The following CSMD1 variants were observed in gnomAD, a reference collection of about 807,000 sequenced individuals.
CSMD1 encodes CUB and Sushi multiple domains 1.
In CSMD1, 213 loss-of-function variants were observed where a neutral mutation model predicts 417.5. The observed-to-expected ratio is 0.51, with a 90% CI of 0.46 to 0.57. The LOEUF (loss-of-function observed/expected upper bound fraction) is 0.57, where lower values mean the gene tolerates loss of function less well. CSMD1 is among the 20% of genes least tolerant of loss of function. The pLI, the probability that CSMD1 is intolerant of heterozygous loss-of-function variation, is 0.00. For synonymous variants in CSMD1, 2,862 were observed against 1,736.8 expected (o/e 1.65, Z -16.11); for missense variants, 6,923 against 4,529.7 (o/e 1.53, Z -15.17).
intron 26 of CSMD1, among the ~76,000 whole-genome samples, chr8:3,272,668 T>G (rs902918460): frequency 7.2e-6 from 1 of 139,390 alleles, no homozygotes; most frequent in African/African-American, 2.7e-5. Flanking sequence ...GTTGGATTCC[T>G]AGGTATTTTA....
At chr8:3,614,556 T>A (rs902871115) in intron 8 of CSMD1, among the ~76,000 whole-genome samples, 13 of 152,222 alleles carry the variant, frequency 8.5e-5, no homozygotes, top group African/African-American at 3.1e-4. Flanking sequence ...TTTTAAAGCT[T>A]AAGCATTTCC....
At chr8:3,153,274 A>T (rs999506041) in intron 39 of CSMD1, among the ~76,000 whole-genome samples, 2 of 152,246 alleles carry the variant, frequency 1.3e-5, no homozygotes, top group Admixed American at 6.5e-5. Context: ...AAGGGGAGGC[A>T]TGAATAACCC....
chr8:4,987,878 C>G (rs2117464316), intron 1 of CSMD1, among the ~76,000 whole-genome samples: 1 of 152,278 alleles, frequency 6.6e-6, no homozygotes, highest in South Asian at 2.1e-4. Flanking sequence ...AGGTGTTCAC[C>G]TATTGGACTC....
chr8:3,955,902 C>A (rs1044917620), intron 5 of CSMD1, among the ~76,000 whole-genome samples: 1 of 152,354 alleles, frequency 6.6e-6, no homozygotes, highest in East Asian at 1.9e-4. Flanking sequence ...TCACTTCAAC[C>A]TTTGCCTCCC....
At chr8:4,593,700 C>A (rs764877083) in intron 2 of CSMD1, among the ~76,000 whole-genome samples, 3 of 152,056 alleles carry the variant, frequency 2.0e-5, no homozygotes, top group Non-Finnish European at 2.9e-5. Context: ...TAATAAGCAC[C>A]AATTGTATAC....
At chr8:4,409,555 A>C (rs1051440895) in intron 3 of CSMD1, among the ~76,000 whole-genome samples, 2 of 152,170 alleles carry the variant, frequency 1.3e-5, no homozygotes, top group African/African-American at 4.8e-5. Context: ...AATTCAGAAC[A>C]TGCCACTCAA....
intron 5 of CSMD1, among the ~76,000 whole-genome samples, chr8:3,841,172 G>T (rs1803108984): frequency 6.6e-6 from 1 of 152,054 alleles, no homozygotes; most frequent in African/African-American, 2.4e-5. Flanking sequence ...TGGAAATTGT[G>T]TTTTTATGTA....
chr8:4,814,750 A>G (rs759517764), intron 1 of CSMD1, among the ~76,000 whole-genome samples: 1 of 152,184 alleles, frequency 6.6e-6, no homozygotes, highest in East Asian at 1.9e-4. Flanking sequence ...CCTAACATTG[A>G]GATCATTGAT....
rs1799042129 is a variant in CSMD1 at position 3,234,622 on chromosome 8, A to C, written c.4154-4391T>G. Among the ~76,000 whole-genome samples, 5 of 152,214 alleles carry C rather than the reference A, an allele frequency of 3.3e-5. No individual in the cohort carries two copies. The South Asian group carries it at 8.3e-4, about 25-fold the overall frequency. On this transcript the variant is annotated intron_variant, in intron 26 of 69. Coordinates refer to ENST00000635120, the MANE Select transcript of CSMD1 (RefSeq NM_033225.6). Reference sequence around the variant, plus strand: ...TCCCATCAGCTGCAAAGACTGGAACACAGGGAAATCCAAGCATATTACTCC... The same window carrying C: ...TCCCATCAGCTGCAAAGACTGGAACCCAGGGAAATCCAAGCATATTACTCC...
intron 3 of CSMD1, among the ~76,000 whole-genome samples, chr8:4,257,350 G>A (rs998650097): frequency 5.3e-5 from 8 of 152,052 alleles, no homozygotes; most frequent in Non-Finnish European, 1.5e-5. Context: ...TTCAAGGGTT[G>A]AATAATTTTC....
chr8:3,314,622 C>T (rs963765830), intron 23 of CSMD1, among the ~76,000 whole-genome samples: 3 of 152,212 alleles, frequency 2.0e-5, no homozygotes, highest in Non-Finnish European at 1.5e-5. Context: ...AGTCAAAGCA[C>T]AGCCAAAATA....
chr8:4,643,936 G>A (rs948866043), intron 1 of CSMD1, among the ~76,000 whole-genome samples: 6 of 152,226 alleles, frequency 3.9e-5, no homozygotes, highest in African/African-American at 1.2e-4. Flanking sequence ...ATCACCTGGA[G>A]CTACTGACAT....
At chr8:4,010,867 G>T (rs1816487114) in intron 4 of CSMD1, among the ~76,000 whole-genome samples, 1 of 152,142 alleles carries the variant, frequency 6.6e-6, no homozygotes, top group African/African-American at 2.4e-5. Context: ...TAAAACAGCT[G>T]GAGGAATTCC....
At chr8:4,108,391 C>T (rs902702316) in intron 3 of CSMD1, among the ~76,000 whole-genome samples, 1 of 152,168 alleles carries the variant, frequency 6.6e-6, no homozygotes, top group Non-Finnish European at 1.5e-5. Context: ...GAACTACTCT[C>T]GACCATGTTC....
intron 5 of CSMD1, among the ~76,000 whole-genome samples, chr8:3,870,044 T>A (rs1416504627): frequency 6.6e-6 from 1 of 152,188 alleles, no homozygotes; most frequent in African/African-American, 2.4e-5. Context: ...CGTCTCTTCA[T>A]TGCTTAACTG....
intron 3 of CSMD1, among the ~76,000 whole-genome samples, chr8:4,370,978 T>A (rs968750062): frequency 6.6e-6 from 1 of 152,216 alleles, no homozygotes; most frequent in Non-Finnish European, 1.5e-5. Flanking sequence ...GTGTGATTGT[T>A]TGGAGGCAAG....
intron 2 of CSMD1, among the ~76,000 whole-genome samples, chr8:4,507,231 C>G (rs576384107): frequency 6.6e-6 from 1 of 152,022 alleles, no homozygotes; most frequent in Non-Finnish European, 1.5e-5. Context: ...TAGTAGATAC[C>G]CATGCAAAAG....
chr8:4,402,800 CTTTTTTTTTTTTTTTTTTTTCTT>C (rs1161085826), intron 3 of CSMD1, among the ~76,000 whole-genome samples: 4 of 89,368 alleles, frequency 4.5e-5, no homozygotes. Flanking sequence ...TCACTTTTTT[CTTTTTTTTTTTTTTTTTTTTCTT>C]TTTTTTTTTT....
At chr8:4,455,308 C>T (rs1324581998) in intron 2 of CSMD1, among the ~76,000 whole-genome samples, 1 of 152,080 alleles carries the variant, frequency 6.6e-6, no homozygotes, top group Admixed American at 6.5e-5. Flanking sequence ...CATCCATTAG[C>T]AAAGAAGATG....
Sources: allele counts gnomAD v4.1 joint callset (sites outside exome capture counted in the v4.1 genomes callset), GRCh38; gene constraint gnomAD v4.1.1; transcripts MANE v1.5; gene names NCBI Gene and HGNC (gene_info 2026-07-23, HGNC 2026-07-21).